LEP: variants seen among roughly 807,000 people sequenced by gnomAD.
LEP encodes leptin.
In LEP, 6 loss-of-function variants were observed where a neutral mutation model predicts 9.8. The ratio of observed to expected loss-of-function variants is 0.61; its 90% CI spans 0.34 to 1.21. The LOEUF is 1.21. Among genes scored for constraint, LEP ranks in the 50% most tolerant of loss-of-function variants. The probability of loss-of-function intolerance (pLI) is 0.04; values close to 1 mark genes in which losing one functional copy is unlikely to be tolerated. For missense variants in LEP, 134 were observed against 198.1 expected (o/e 0.68, Z 1.94); for synonymous variants, 112 against 81.7 (o/e 1.37, Z -2.00).
Position 128,254,540 on chromosome 7 carries a change from T to C in LEP, c.281T>C (p.Val94Ala). 6.2e-7 allele frequency: 1 copy of C among 1,614,122 alleles called. No homozygotes were observed. The highest frequency in any genetic ancestry group is 8.5e-7 in the Non-Finnish European group (1 of 1,180,004). Residue 94 changes from valine (V) to alanine (A), a missense_variant, in exon 3 of 3, where the codon GTG becomes GCG. Coordinates refer to ENST00000308868, the MANE Select transcript of LEP (RefSeq NM_000230.3). Reference sequence around the variant, plus strand: ...CTCACCAGTATGCCTTCCAGAAACGTGATCCAAATATCCAACGACCTGGAG... The same window carrying C: ...CTCACCAGTATGCCTTCCAGAAACGCGATCCAAATATCCAACGACCTGGAG... ...QILTSMPSRN[V>A]IQISNDLENL...
intron 2 of LEP, 127 bp from the exon 3 acceptor site, chr7:128,254,277 G>A (rs1191817957): frequency 1.6e-6 from 2 of 1,241,176 alleles, no homozygotes; most frequent in Non-Finnish European, 2.3e-6. Context: ...CTGAGCCAAA[G>A]TGGTGAGGGA....
intron 1 of LEP, among the ~76,000 whole-genome samples, chr7:128,247,451 G>A (rs766036679): frequency 2.6e-5 from 4 of 152,116 alleles, no homozygotes; most frequent in African/African-American, 9.7e-5. Flanking sequence ...TGCTCCTCAG[G>A]GTGCAGAAGG....
intron 1 of LEP, among the ~76,000 whole-genome samples, chr7:128,251,690 T>C (rs1413477677): frequency 6.6e-6 from 1 of 152,228 alleles, no homozygotes; most frequent in Non-Finnish European, 1.5e-5. Context: ...CCCTCGAGCA[T>C]GCAATGAAGT....
rs1392712935 is a variant in LEP, at chr7:128,254,674, G to T, written c.415G>T (p.Gly139Cys). The T allele has an allele frequency of 6.2e-7, 1 of 1,614,076 alleles. No individual in the cohort carries two copies. The highest frequency in any genetic ancestry group is 8.5e-7 in the Non-Finnish European group (1 of 1,180,030). Residue 139 changes from glycine to cysteine, a missense_variant, in exon 3 of 3, where the codon GGC becomes TGC. Physicochemically the swap from Gly to Cys is radical, Grantham distance 159. Coordinates refer to ENST00000308868, the MANE Select transcript of LEP (RefSeq NM_000230.3). ...DSLGGVLEAS[G>C]YSTEVVALSR... Reference sequence around the variant, plus strand: ...CCTGGGGGGTGTCCTGGAAGCTTCAGGCTACTCCACAGAGGTGGTGGCCCT... The same window carrying T: ...CCTGGGGGGTGTCCTGGAAGCTTCATGCTACTCCACAGAGGTGGTGGCCCT...
chr7:128,255,594 A>AC lies in LEP; in HGVS notation c.*834dup, dbSNP rs929727310. 2.0e-5 allele frequency: 3 copies of AC among 152,192 alleles called. No individual in the cohort carries two copies. Among genetic ancestry groups the AC allele is most frequent in the Non-Finnish European group, 4.4e-5 (3 of 68,036 alleles). 9.4% of individuals were successfully genotyped at this position (152,192 alleles called of 1,614,324 possible). ...TCAAGTGTCATATGTAGGTGTCTGC[A>AC]CCCAGGGGTGGGGAATGTTTGGGCA... On this transcript the variant is annotated 3_prime_UTR_variant, in exon 3 of 3. Transcript: ENST00000308868.
intron 1 of LEP, among the ~76,000 whole-genome samples, chr7:128,244,084 A>AT (rs1382098318): frequency 3.4e-5 from 1 of 29,660 alleles, no homozygotes; most frequent in African/African-American, 9.3e-5. Context: ...CCCCATCTCT[A>AT]TTAAAAAAAA....
intron 1 of LEP, among the ~76,000 whole-genome samples, chr7:128,246,691 G>A (rs1795215301): frequency 6.6e-6 from 1 of 151,932 alleles, no homozygotes; most frequent in Admixed American, 6.6e-5. Flanking sequence ...TTGAACTCCT[G>A]GGCTCAAGCG....
At chr7:128,249,665 G>A (rs967533280) in intron 1 of LEP, among the ~76,000 whole-genome samples, 7 of 152,164 alleles carry the variant, frequency 4.6e-5, no homozygotes, top group Non-Finnish European at 1.0e-4. Flanking sequence ...CAAGATATTG[G>A]GAAAGACTAG....
intron 1 of LEP, among the ~76,000 whole-genome samples, chr7:128,246,098 A>T (rs1330970875): frequency 6.6e-6 from 1 of 152,008 alleles, no homozygotes; most frequent in Non-Finnish European, 1.5e-5. Context: ...AAAAAAATAA[A>T]AAAAATAAAG....
chr7:128,252,251 T>C (rs570649154), intron 2 of LEP, 89 bp downstream of exon 2: 5 of 1,425,592 alleles, frequency 3.5e-6, no homozygotes, highest in African/African-American at 2.8e-5. Context: ...CCAAGAAACA[T>C]TTATTGAACG....
chr7:128,252,449 G>A (rs1795286327), intron 2 of LEP, among the ~76,000 whole-genome samples: 2 of 152,160 alleles, frequency 1.3e-5, no homozygotes, highest in South Asian at 4.1e-4. Context: ...TAGGATTTGG[G>A]CTGGGTGTGG....
intron 1 of LEP, among the ~76,000 whole-genome samples, chr7:128,248,737 T>C (rs1197545940): frequency 2.0e-5 from 3 of 152,210 alleles, no homozygotes; most frequent in Non-Finnish European, 4.4e-5. Flanking sequence ...GTTGACAAAA[T>C]CAAATACTGT....
intron 1 of LEP, among the ~76,000 whole-genome samples, chr7:128,244,485 G>C (rs1034979953): frequency 6.6e-6 from 1 of 152,082 alleles, no homozygotes; most frequent in Non-Finnish European, 1.5e-5. Flanking sequence ...TGTTTATTGT[G>C]ATCAACATTT....
chr7:128,243,091 C>T (rs1452530392), intron 1 of LEP, among the ~76,000 whole-genome samples: 1 of 152,220 alleles, frequency 6.6e-6, no homozygotes, highest in African/African-American at 2.4e-5. Flanking sequence ...CTTCTTTGTC[C>T]ACACAGTTGT....
At chr7:128,253,036 C>T (rs956909936) in intron 2 of LEP, among the ~76,000 whole-genome samples, 4 of 152,188 alleles carry the variant, frequency 2.6e-5, no homozygotes, top group Non-Finnish European at 5.9e-5. Context: ...TCTTTCCTTC[C>T]TGTCCCCTCT....
intron 1 of LEP, among the ~76,000 whole-genome samples, chr7:128,246,275 C>T (rs1183822904): frequency 6.6e-6 from 1 of 151,652 alleles, no homozygotes; most frequent in Non-Finnish European, 1.5e-5. Flanking sequence ...GGGTGGGGTG[C>T]GGGCCCTGCA....
At chr7:128,246,136 C>T (rs984259941) in intron 1 of LEP, among the ~76,000 whole-genome samples, 2 of 152,072 alleles carry the variant, frequency 1.3e-5, no homozygotes, top group Non-Finnish European at 2.9e-5. Context: ...CCCATCCTAA[C>T]TCCCACTTTG....
intron 2 of LEP, 138 bp downstream of exon 2, chr7:128,252,300 A>G: frequency 1.0e-6 from 1 of 975,022 alleles, no homozygotes; most frequent in South Asian, 1.3e-5. Context: ...GCTGAGAAGG[A>G]TTTGAAAGCA....
chr7:128,242,787 GGCA>G (rs1422910594), intron 1 of LEP, among the ~76,000 whole-genome samples: 2 of 152,340 alleles, frequency 1.3e-5, no homozygotes, highest in East Asian at 3.9e-4. Flanking sequence ...GTCAGCCCCA[GGCA>G]GATGCCTTGC....
Sources: allele counts gnomAD v4.1 joint callset (sites outside exome capture counted in the v4.1 genomes callset), GRCh38; gene constraint gnomAD v4.1.1; transcripts MANE v1.5; gene names NCBI Gene and HGNC (gene_info 2026-07-23, HGNC 2026-07-21).